NLRP14: variants seen among roughly 807,000 people sequenced by gnomAD.
NLRP14 encodes NACHT, LRR and PYD domains-containing protein 14.
NLRP14 carries 105 observed loss-of-function variants against 94.7 expected under a neutral mutation model. The ratio of observed to expected loss-of-function variants is 1.11; its 90% confidence interval spans 0.95 to 1.30. NLRP14 has a LOEUF of 1.30. Among genes scored for constraint, NLRP14 ranks in the 50% most tolerant of loss-of-function variants. The pLI is 0.00. For missense variants in NLRP14, 1,362 were observed against 1,254.1 expected, an observed-to-expected ratio of 1.09 and a Z score of -1.30; for synonymous variants, 508 against 459.9, an observed-to-expected ratio of 1.10 and a Z score of -1.34.
chr11:7,028,412 C>G lies in NLRP14; in HGVS notation c.-22+7642C>G, dbSNP rs1168358036. Among the ~76,000 whole-genome samples, 5 of 152,130 alleles carry G rather than the reference C, an allele frequency of 3.3e-5. No homozygotes were observed. In the East Asian group the frequency reaches 9.6e-4, roughly 29 times the overall value. On this transcript the variant is annotated intron_variant, in intron 1 of 11. Transcript: ENST00000299481. ...TTTCAGCACCACGACTGCTACCGGC[C>G]TCGCCCTAGACATCATTTTCTCTCA...
At chr11:7,071,045 T>A in intron 11 of NLRP14, 128 bp from the exon 12 acceptor site, 3 of 1,011,702 alleles carry the variant, frequency 3.0e-6, no homozygotes, top group Non-Finnish European at 3.0e-6. Context: ...TCCTCACCCA[T>A]GTTATAATAT....
At chr11:7,089,709 G>A in the NLRP14 span, 2 of 1,524,498 alleles carry the variant, frequency 1.3e-6, no homozygotes, top group South Asian at 1.2e-5. Context: ...ACCGCGCCGG[G>A]AGCCGCTGCC....
chr11:7,090,434 G>A, the NLRP14 span: 2 of 1,177,770 alleles, frequency 1.7e-6, no homozygotes, highest in Non-Finnish European at 2.4e-6. Context: ...TGTTAAGATC[G>A]TCTCCATTTT....
the NLRP14 span, chr11:7,088,984 G>A: frequency 9.7e-7 from 1 of 1,026,584 alleles, no homozygotes; most frequent in Admixed American, 2.3e-5. Flanking sequence ...GCGGGGCTCC[G>A]GCTGCGGTTC....
At chr11:7,082,994 C>T in the NLRP14 span, among the ~76,000 whole-genome samples, 1 of 152,210 alleles carries the variant, frequency 6.6e-6, no homozygotes, top group Non-Finnish European at 1.5e-5. Flanking sequence ...CTGCCTTCAG[C>T]ACTTGCAGTT....
At chr11:7,023,886 A>C (rs1020250226) in intron 1 of NLRP14, among the ~76,000 whole-genome samples, 1 of 152,034 alleles carries the variant, frequency 6.6e-6, no homozygotes, top group African/African-American at 2.4e-5. Context: ...TATCATGAGA[A>C]CTTACTATCA....
At chr11:7,078,797 A>T in the NLRP14 span, among the ~76,000 whole-genome samples, 2 of 152,178 alleles carry the variant, frequency 1.3e-5, no homozygotes, top group South Asian at 4.1e-4. Context: ...TCAAAAAAAA[A>T]ATTGATTAAA....
Position 7,023,386 on chromosome 11 carries a change from T to C in NLRP14, c.-22+2616T>C, listed in dbSNP as rs1372113942. Reference sequence around the variant, plus strand: ...TATAAATATATATATCATGTTTAGCTTGGAAATTTTTTATATAAAAACATT... The same window carrying C: ...TATAAATATATATATCATGTTTAGCCTGGAAATTTTTTATATAAAAACATT... On this transcript the variant is annotated intron_variant, in intron 1 of 11. Transcript: ENST00000299481. Among the ~76,000 whole-genome samples the C allele has an allele frequency of 2.0e-5, 3 of 146,444 alleles. No homozygotes were observed. The East Asian group carries it at 5.9e-4, about 29-fold the overall frequency.
Position 7,070,311 on chromosome 11 carries a change from C to T in NLRP14, c.3001C>T (p.Leu1001Phe), listed in dbSNP as rs1182236527. 10 of 1,611,474 alleles carry T rather than the reference C, an allele frequency of 6.2e-6. No homozygotes were observed. Among genetic ancestry groups the T allele is most frequent in the East Asian group, 4.5e-5 (2 of 44,828 alleles). The change falls in exon 11 of 12, where the codon CTC (leucine) becomes TTC (phenylalanine). Residue 1001 changes from leucine (L) to phenylalanine (F), a missense_variant. Coordinates refer to ENST00000299481, the MANE Select transcript of NLRP14 (RefSeq NM_176822.4). ...GTTGGAATACTGTGGTTTGACATCTCTCTGCTGTCAAGATCTCTCCTCTGC... is the reference window on the plus strand; with the variant it reads ...GTTGGAATACTGTGGTTTGACATCTTTCTGCTGTCAAGATCTCTCCTCTGC... The part of the protein sequence containing the change: ...LGLEYCGLTS[L>F]CCQDLSSALI...
At chr11:7,082,633 C>G in the NLRP14 span, among the ~76,000 whole-genome samples, 4,722 of 152,246 alleles carry the variant, frequency 0.031, 138 homozygotes, top group East Asian at 0.13. Context: ...TCCGTCATTA[C>G]AGAACCCATT....
the NLRP14 span, among the ~76,000 whole-genome samples, chr11:7,077,263 G>T: frequency 1.3e-5 from 2 of 152,244 alleles, no homozygotes; most frequent in African/African-American, 2.4e-5. Flanking sequence ...TGGAAAGGAG[G>T]TGACCCCAAT....
At chr11:7,064,876 A>G (rs537114702) in intron 10 of NLRP14, among the ~76,000 whole-genome samples, 47 of 151,532 alleles carry the variant, frequency 3.1e-4, no homozygotes, top group Non-Finnish European at 5.9e-4. Flanking sequence ...CTTGGTAGGG[A>G]CATCTTTGTT....
downstream of NLRP14, among the ~76,000 whole-genome samples, chr11:7,075,017 T>C (rs1182851539): frequency 6.6e-6 from 1 of 152,162 alleles, no homozygotes; most frequent in Non-Finnish European, 1.5e-5. Flanking sequence ...TTGTTGACAT[T>C]ATTGGTGTGG....
At chr11:7,089,686 G>A in the NLRP14 span, 1 of 1,505,692 alleles carries the variant, frequency 6.6e-7, no homozygotes, top group Non-Finnish European at 8.9e-7. Flanking sequence ...GGGCGAGACG[G>A]CTACTCAGGC....
chr11:7,084,168 C>CA, the NLRP14 span, among the ~76,000 whole-genome samples: 1 of 152,190 alleles, frequency 6.6e-6, no homozygotes, highest in South Asian at 2.1e-4. Flanking sequence ...GAACTATTCA[C>CA]AGGGTACTAT....
the NLRP14 span, among the ~76,000 whole-genome samples, chr11:7,080,535 A>G: frequency 2.0e-5 from 3 of 152,170 alleles, no homozygotes; most frequent in Non-Finnish European, 4.4e-5. Context: ...TGCTATTTCA[A>G]TCACAAATGC....
chr11:7,085,619 C>T, the NLRP14 span, among the ~76,000 whole-genome samples: 19 of 152,162 alleles, frequency 1.2e-4, no homozygotes, highest in East Asian at 1.2e-3. Context: ...TCAGTATTTA[C>T]GGGGAATTGG....
At chr11:7,049,923 C>G in intron 6 of NLRP14, 85 bp downstream of exon 6, 1 of 1,155,480 alleles carries the variant, frequency 8.7e-7, no homozygotes, top group Non-Finnish European at 1.3e-6. Flanking sequence ...CCTGGATTTG[C>G]TATTCATAGG....
the NLRP14 span, chr11:7,089,988 C>A: frequency 1.2e-6 from 2 of 1,613,054 alleles, no homozygotes; most frequent in Non-Finnish European, 1.7e-6. Context: ...CGGAGAGCTG[C>A]GCGGCGCCGC....
Sources: gnomAD v4.1 joint callset for allele counts (sites outside exome capture counted in the v4.1 genomes callset) on GRCh38, gnomAD v4.1.1 for gene constraint, MANE v1.5 for transcripts, NCBI Gene and HGNC (gene_info 2026-07-23, HGNC 2026-07-21) for gene names.